ITGA4: variants seen among roughly 807,000 people sequenced by gnomAD.
ITGA4 encodes integrin alpha-4.
A neutral mutation model predicts 133.6 loss-of-function variants in ITGA4; 63 were observed. The ratio of observed to expected loss-of-function variants is 0.47; its 90% CI spans 0.38 to 0.58. The LOEUF is 0.58. Ranked by LOEUF, ITGA4 falls within the 20% of genes least tolerant of loss-of-function variation. The pLI is 0.00. For missense variants in ITGA4, 1,076 were observed against 1,252.7 expected, an observed-to-expected ratio of 0.86 and a Z score of 2.13; for synonymous variants, 483 against 438.0, an observed-to-expected ratio of 1.10 and a Z score of -1.28.
At chr2:181,513,794 TTTTATTTATC>T (rs1295905591) in intron 17 of ITGA4, among the ~76,000 whole-genome samples, 2 of 152,152 alleles carry the variant, frequency 1.3e-5, no homozygotes, top group African/African-American at 2.4e-5. Flanking sequence ...CCTGATTAAC[TTTTATTTATC>T]TTTTAAATCT....
At chr2:181,505,928 T>C (rs1686383664) in intron 15 of ITGA4, among the ~76,000 whole-genome samples, 1 of 152,086 alleles carries the variant, frequency 6.6e-6, no homozygotes, top group Admixed American at 6.6e-5. Flanking sequence ...TTGCTATTAC[T>C]TGAATACTCA....
At chr2:181,527,250 C>A in intron 21 of ITGA4, 47 bp from the exon 22 acceptor site, 1 of 1,085,682 alleles carries the variant, frequency 9.2e-7, no homozygotes, top group Non-Finnish European at 1.4e-6. Context: ...CTTTATAATA[C>A]GTCATCGAAT....
chr2:181,509,898 C>T (rs754471905), intron 16 of ITGA4, 91 bp downstream of exon 16: 17 of 909,394 alleles, frequency 1.9e-5, no homozygotes, highest in African/African-American at 3.4e-5. Context: ...AACTATATGT[C>T]GGAATTTTTA....
intron 9 of ITGA4, among the ~76,000 whole-genome samples, chr2:181,482,893 T>A (rs1158514822): frequency 2.6e-5 from 4 of 152,166 alleles, no homozygotes; most frequent in African/African-American, 4.8e-5. Flanking sequence ...TGTTCACAGC[T>A]TGTATGTGTT....
chr2:181,511,214 TTTAA>T (rs1423142790), intron 16 of ITGA4, among the ~76,000 whole-genome samples: 1 of 150,804 alleles, frequency 6.6e-6, no homozygotes, highest in Non-Finnish European at 1.5e-5. Context: ...CCCTTACTTA[TTTAA>T]TTTTGTTCAA....
rs1217378841 is a variant in ITGA4, at chr2:181,538,445, C to T, written c.*2918C>T. ...ATTGCTCTAAAACCTCCTTAACTGA[C>T]TTCCTTGATTGTCCAATGCTCTCCA... On this transcript the variant is annotated 3_prime_UTR_variant, in exon 28 of 28. Coordinates refer to ENST00000397033, the MANE Select transcript of ITGA4 (RefSeq NM_000885.6). Among the ~76,000 whole-genome samples, 1 of 152,144 alleles carries T rather than the reference C, an allele frequency of 6.6e-6. No individual in the cohort carries two copies. The highest frequency in any genetic ancestry group is 2.4e-5 in the African/African-American group (1 of 41,426).
chr2:181,527,862 G>A (rs1686866426), intron 22 of ITGA4, among the ~76,000 whole-genome samples: 1 of 152,172 alleles, frequency 6.6e-6, no homozygotes, highest in Non-Finnish European at 1.5e-5. Flanking sequence ...TTTATGACCT[G>A]TGACAAGTGC....
intron 2 of ITGA4, among the ~76,000 whole-genome samples, chr2:181,473,126 C>A (rs1203819603): frequency 6.6e-6 from 1 of 152,206 alleles, no homozygotes; most frequent in Non-Finnish European, 1.5e-5. Context: ...CCATGAGAAC[C>A]ACTTAGGGCA....
intron 4 of ITGA4, 61 bp from the exon 5 acceptor site, chr2:181,478,696 C>T (rs957414105): frequency 1.4e-5 from 10 of 728,892 alleles, no homozygotes; most frequent in Admixed American, 1.3e-4. Flanking sequence ...ATTTAAGAAA[C>T]AAATTATGGA....
intron 17 of ITGA4, among the ~76,000 whole-genome samples, chr2:181,512,999 C>G (rs1686534870): frequency 6.6e-6 from 1 of 152,134 alleles, no homozygotes; most frequent in Non-Finnish European, 1.5e-5. Flanking sequence ...TCAGTCCATA[C>G]TTGAATTCCA....
At chr2:181,491,723 CT>C (rs1686051614) in intron 10 of ITGA4, among the ~76,000 whole-genome samples, 4 of 152,078 alleles carry the variant, frequency 2.6e-5, no homozygotes, top group Non-Finnish European at 4.4e-5. Flanking sequence ...CTATAAAATA[CT>C]TTTCCCCACT....
chr2:181,478,674 A>T (rs1685736053), intron 4 of ITGA4, 83 bp from the exon 5 acceptor site: 1 of 591,122 alleles, frequency 1.7e-6, no homozygotes, highest in African/African-American at 1.9e-5. Flanking sequence ...CTTAAAGGAC[A>T]TTTTTGTAAG....
intron 15 of ITGA4, among the ~76,000 whole-genome samples, chr2:181,508,931 C>G (rs1279736377): frequency 2.0e-5 from 3 of 151,218 alleles, no homozygotes; most frequent in African/African-American, 7.3e-5. Context: ...GCCCTTGAGC[C>G]CAGGAGTTCA....
chr2:181,488,649 C>A (rs1246567291), intron 10 of ITGA4, among the ~76,000 whole-genome samples: 2 of 151,880 alleles, frequency 1.3e-5, no homozygotes, highest in South Asian at 2.1e-4. Flanking sequence ...AGCTCTGACT[C>A]CCGGGTTCAT....
chr2:181,463,735 C>G (rs137964287), intron 2 of ITGA4, among the ~76,000 whole-genome samples: 1 of 152,112 alleles, frequency 6.6e-6, no homozygotes, highest in Non-Finnish European at 1.5e-5. Context: ...ATGATCAGTT[C>G]CATGTATGGG....
At chr2:181,490,754 G>T (rs1686035881) in intron 10 of ITGA4, among the ~76,000 whole-genome samples, 1 of 152,146 alleles carries the variant, frequency 6.6e-6, no homozygotes, top group Non-Finnish European at 1.5e-5. Context: ...GTTGGAGTCA[G>T]AGTATTTATT....
intron 17 of ITGA4, among the ~76,000 whole-genome samples, chr2:181,513,243 T>C (rs1686540866): frequency 6.6e-6 from 1 of 152,054 alleles, no homozygotes; most frequent in Admixed American, 6.6e-5. Context: ...ATGCCTACAC[T>C]GCTGATGCCT....
chr2:181,511,364 A>G (rs186255352), intron 16 of ITGA4, among the ~76,000 whole-genome samples: 1 of 152,234 alleles, frequency 6.6e-6, no homozygotes, highest in Non-Finnish European at 1.5e-5. Flanking sequence ...AGCAACAGAA[A>G]ATTGAGAGGA....
chr2:181,512,930 G>A, intron 17 of ITGA4, among the ~76,000 whole-genome samples: 1 of 152,068 alleles, frequency 6.6e-6, no homozygotes, highest in East Asian at 1.9e-4. Flanking sequence ...AGTGCCAGAG[G>A]CAGGGAAAAG....
Sources: allele counts gnomAD v4.1 joint callset (sites outside exome capture counted in the v4.1 genomes callset), GRCh38; gene constraint gnomAD v4.1.1; transcripts MANE v1.5; gene names NCBI Gene and HGNC (gene_info 2026-07-23, HGNC 2026-07-21).